The following NALF1 variants were observed in gnomAD, a reference collection of about 807,000 sequenced individuals.
NALF1 encodes the protein NALCN channel auxiliary factor 1.
In NALF1, 3 loss-of-function variants were observed where a neutral mutation model predicts 48.4. The observed-to-expected ratio is 0.06, with a 90% CI of 0.03 to 0.16. The LOEUF (loss-of-function observed/expected upper bound fraction) is 0.16. NALF1 is among the 10% of genes least tolerant of loss of function. The pLI, the probability that NALF1 is intolerant of heterozygous loss-of-function variation, is 1.00. For missense variants in NALF1, 526 were observed against 571.5 expected (o/e 0.92, Z 0.81); for synonymous variants, 262 against 245.7 (o/e 1.07, Z -0.62).
At chr13:107,805,294 C>T (rs1399148665) in intron 1 of NALF1, among the ~76,000 whole-genome samples, 2 of 152,104 alleles carry the variant, frequency 1.3e-5, no homozygotes, top group South Asian at 4.1e-4. Flanking sequence ...TATGCAGTCT[C>T]CTTAAATTTG....
At chr13:107,324,777 A>G (rs977431607) in intron 1 of NALF1, among the ~76,000 whole-genome samples, 4 of 152,252 alleles carry the variant, frequency 2.6e-5, no homozygotes, top group African/African-American at 4.8e-5. Flanking sequence ...ACTTGTAAAG[A>G]AATTATAATT....
chr13:107,303,754 T>C (rs1327385258), intron 1 of NALF1, among the ~76,000 whole-genome samples: 2 of 152,322 alleles, frequency 1.3e-5, no homozygotes, highest in East Asian at 3.9e-4. Flanking sequence ...TTTAATCTCC[T>C]GAACAATTTA....
chr13:107,668,673 C>T (rs1202664889), intron 1 of NALF1, among the ~76,000 whole-genome samples: 1 of 152,108 alleles, frequency 6.6e-6, no homozygotes, highest in Non-Finnish European at 1.5e-5. Flanking sequence ...ATACACTAAA[C>T]TCAGGAGCAA....
rs774372636 is a variant in NALF1 at position 107,818,871 on chromosome 13, C to CAAAAAAAAAAA, written c.915+46800_915+46810dup. Among the ~76,000 whole-genome samples the CAAAAAAAAAAA allele has an allele frequency of 3.7e-4, 27 of 73,816 alleles. 1 individual carries two copies. The highest frequency in any genetic ancestry group is 9.6e-4 in the African/African-American group (23 of 23,866). The allele number at this position is 73,816 out of a possible 152,430, so 48.4% of individuals were successfully genotyped here. A position where few individuals can be genotyped will look rare whatever the true frequency, so the allele number is the denominator to read the frequency against. On this transcript the variant is annotated intron_variant, in intron 1 of 2. Coordinates refer to ENST00000375915, the MANE Select transcript of NALF1 (RefSeq NM_001080396.3). Reference sequence around the variant, plus strand: ...TGGGCGACAGAGCGAGACTCCGTCTCAAAAAAAAAAAAAAAAAAAAAAAAA... The same window carrying CAAAAAAAAAAA: ...TGGGCGACAGAGCGAGACTCCGTCTCAAAAAAAAAAAAAAAAAAAAAAAAAAAAAAAAAAAA...
Position 107,355,952 on chromosome 13 carries a change from G to T in NALF1, c.916-145197C>A, listed in dbSNP as rs149043072. 5.8e-3 allele frequency among the ~76,000 whole-genome samples: 880 copies of T among 152,270 alleles called. 15 individuals carry two copies. The highest frequency in any genetic ancestry group is 0.019 in the African/African-American group (772 of 41,566). On this transcript the variant is annotated intron_variant, in intron 1 of 2. Transcript: ENST00000375915. ...TTAGTGCATTTAATCATTGATAAAG[G>T]TTCTGGCCCCTAAAAAATTCAAAAG...
intron 2 of NALF1, among the ~76,000 whole-genome samples, chr13:107,171,678 T>C (rs1225489226): frequency 6.6e-6 from 1 of 152,242 alleles, no homozygotes; most frequent in Admixed American, 6.5e-5. Context: ...ACTGTGTATC[T>C]ACAATCTTTC....
chr13:107,560,423 T>C (rs1040403399), intron 1 of NALF1, among the ~76,000 whole-genome samples: 1 of 152,092 alleles, frequency 6.6e-6, no homozygotes, highest in Admixed American at 6.6e-5. Context: ...AAAAGCAAAC[T>C]AGATACTGAA....
At chr13:107,268,421 C>T (rs1881088331) in intron 1 of NALF1, among the ~76,000 whole-genome samples, 1 of 138,162 alleles carries the variant, frequency 7.2e-6, no homozygotes, top group South Asian at 2.2e-4. Context: ...TTGTATACAA[C>T]ACCCACACAC....
chr13:107,829,760 T>A (rs993767266), intron 1 of NALF1, among the ~76,000 whole-genome samples: 2 of 152,212 alleles, frequency 1.3e-5, no homozygotes, highest in African/African-American at 4.8e-5. Flanking sequence ...TCCTCATCAG[T>A]GAAGTTGGCA....
intron 1 of NALF1, among the ~76,000 whole-genome samples, chr13:107,687,255 C>CATGGACA (rs1881454999): frequency 6.6e-6 from 1 of 151,774 alleles, no homozygotes; most frequent in African/African-American, 2.4e-5. Context: ...AGTGGGCACA[C>CATGGACA]ATGGACATAA....
intron 1 of NALF1, among the ~76,000 whole-genome samples, chr13:107,557,453 A>G (rs927359617): frequency 1.3e-5 from 2 of 152,128 alleles, no homozygotes; most frequent in Admixed American, 1.3e-4. Flanking sequence ...CTTTGCTGAC[A>G]GAGCCAGGAG....
intron 1 of NALF1, among the ~76,000 whole-genome samples, chr13:107,231,653 A>G (rs1332985719): frequency 6.6e-6 from 1 of 152,218 alleles, no homozygotes; most frequent in Admixed American, 6.5e-5. Context: ...CAAAAAAGCT[A>G]TTTTTGAGCT....
chr13:107,733,842 G>A (rs1876385427), intron 1 of NALF1, among the ~76,000 whole-genome samples: 1 of 152,088 alleles, frequency 6.6e-6, no homozygotes, highest in African/African-American at 2.4e-5. Context: ...AAGAACAGAA[G>A]AGATACTCAT....
intron 2 of NALF1, among the ~76,000 whole-genome samples, chr13:107,201,326 T>G (rs1330775647): frequency 6.6e-6 from 1 of 152,150 alleles, no homozygotes. Flanking sequence ...CATCTTAAAA[T>G]TCCCTCTGGG....
intron 2 of NALF1, among the ~76,000 whole-genome samples, chr13:107,204,591 T>C (rs1879595681): frequency 6.6e-6 from 1 of 152,226 alleles, no homozygotes. Flanking sequence ...GTAGGAATGA[T>C]CTGAACTCAA....
At chr13:107,619,760 A>G (rs1366990165) in intron 1 of NALF1, among the ~76,000 whole-genome samples, 2 of 152,192 alleles carry the variant, frequency 1.3e-5, no homozygotes, top group Non-Finnish European at 2.9e-5. Context: ...ACTAGCTAAT[A>G]GCAGAACTAC....
Position 107,866,039 on chromosome 13 carries a change from A to T in NALF1, c.558T>A (p.Asn186Lys), listed in dbSNP as rs758953957. 4 of 1,612,232 alleles carry T rather than the reference A, an allele frequency of 2.5e-6. No individual in the cohort carries two copies. The highest frequency in any genetic ancestry group is 3.4e-6 in the Non-Finnish European group (4 of 1,179,886). Residue 186 changes from asparagine to lysine, a missense_variant, in exon 1 of 3, where the codon AAT (asparagine) becomes AAA (lysine). Asn to Lys is a moderately conservative substitution (Grantham distance 94). Transcript: ENST00000375915. This position sits in a 1 kb window ranked among gnomAD's most constrained non-coding sequence, Gnocchi z 4.4. The stretch of plus-strand genomic sequence containing the variant: ...AGTTCCTGGCGCACACCGCGTCCGC[A>T]TTCTCCACCGTGAAGCACTGGCCCG... ...ASSGQCFTVENADAVCARNWS... is the reference protein window; with the variant it reads ...ASSGQCFTVEKADAVCARNWS...
At chr13:107,532,711 GT>G (rs1350847046) in intron 1 of NALF1, among the ~76,000 whole-genome samples, 1 of 151,882 alleles carries the variant, frequency 6.6e-6, no homozygotes, top group Non-Finnish European at 1.5e-5. Flanking sequence ...TGTCTCATGT[GT>G]TTGGTCCATT....
At chr13:107,526,087 ATCCCCATCCCCCTAAGTTGAT>A (rs1876426025) in intron 1 of NALF1, among the ~76,000 whole-genome samples, 1 of 152,110 alleles carries the variant, frequency 6.6e-6, no homozygotes, top group Non-Finnish European at 1.5e-5. Flanking sequence ...TTTGCAAATA[ATCCCCATCCCCCTAAGTTGAT>A]GGTTTGTCAC....
Sources: allele counts gnomAD v4.1 joint callset (sites outside exome capture counted in the v4.1 genomes callset), GRCh38; gene constraint gnomAD v4.1.1; non-coding constraint Gnocchi (gnomAD v3.1); transcripts MANE v1.5; gene names NCBI Gene and HGNC (gene_info 2026-07-23, HGNC 2026-07-21).